The following NR6A1 variants were observed in gnomAD, a reference collection of about 807,000 sequenced individuals.
The protein encoded by NR6A1 is retinoic acid receptor-related testis-associated receptor.
NR6A1 carries 7 observed loss-of-function variants against 59.1 expected under a neutral mutation model. That is an observed-to-expected ratio of 0.12 (90% CI 0.07 to 0.22). The LOEUF is 0.22. NR6A1 is among the 10% of genes least tolerant of loss of function. The pLI is 1.00. For missense variants in NR6A1, 468 were observed against 611.6 expected, an observed-to-expected ratio of 0.77 and a Z score of 2.48; for synonymous variants, 243 against 236.1, an observed-to-expected ratio of 1.03 and a Z score of -0.27.
intron 2 of NR6A1, among the ~76,000 whole-genome samples, chr9:124,589,569 T>G (rs1000854084): frequency 6.6e-6 from 1 of 152,260 alleles, no homozygotes; most frequent in African/African-American, 2.4e-5. Flanking sequence ...CACCTACTGG[T>G]TGCCAAGCCT....
At chr9:124,745,527 C>T (rs553144763) in intron 1 of NR6A1, among the ~76,000 whole-genome samples, 130 of 151,646 alleles carry the variant, frequency 8.6e-4, no homozygotes, top group African/African-American at 2.8e-3. Context: ...CAAAATTAGC[C>T]GGGCATGGTG....
chr9:124,572,035 G>T (rs936546569), intron 2 of NR6A1, among the ~76,000 whole-genome samples: 1 of 152,102 alleles, frequency 6.6e-6, no homozygotes, highest in Non-Finnish European at 1.5e-5. Flanking sequence ...GGAAAATATG[G>T]ACAGTACAAT....
At chr9:124,673,825 A>T (rs1588768941) in intron 2 of NR6A1, among the ~76,000 whole-genome samples, 1 of 152,208 alleles carries the variant, frequency 6.6e-6, no homozygotes, top group Non-Finnish European at 1.5e-5. Context: ...AGCAAGGGCA[A>T]TAATTAATCA....
At chr9:124,769,771 C>T (rs1026021944) in intron 1 of NR6A1, among the ~76,000 whole-genome samples, 4 of 152,156 alleles carry the variant, frequency 2.6e-5, no homozygotes, top group African/African-American at 7.2e-5. Context: ...TCGGGTTTGC[C>T]GCCGGAGCGT....
At chr9:124,682,383 T>C (rs186095783) in intron 2 of NR6A1, among the ~76,000 whole-genome samples, 6 of 152,318 alleles carry the variant, frequency 3.9e-5, no homozygotes, top group South Asian at 4.1e-4. Context: ...GAACTGACTA[T>C]TAAAAAATCT....
chr9:124,652,842 C>T (rs1375088139), intron 2 of NR6A1, among the ~76,000 whole-genome samples: 6 of 152,196 alleles, frequency 3.9e-5, no homozygotes, highest in African/African-American at 7.2e-5. Flanking sequence ...GATGTAAGTG[C>T]TCTGGGAATC....
At chr9:124,643,840 A>T (rs1004267598) in intron 2 of NR6A1, among the ~76,000 whole-genome samples, 2 of 151,598 alleles carry the variant, frequency 1.3e-5, no homozygotes, top group African/African-American at 2.4e-5. Context: ...AATATATTTT[A>T]AAAATCACTA....
chr9:124,536,174 AG>A (rs1471965363), intron 6 of NR6A1, 42 bp from the exon 7 acceptor site: 1 of 1,593,306 alleles, frequency 6.3e-7, no homozygotes. Context: ...CATTGGTCAG[AG>A]GGTGAGGATA....
At chr9:124,642,895 G>A (rs1010867052) in intron 2 of NR6A1, among the ~76,000 whole-genome samples, 1 of 152,086 alleles carries the variant, frequency 6.6e-6, no homozygotes. Context: ...TAAGAAAGTG[G>A]GCAGGCTTGA....
At chr9:124,527,052 T>C in intron 7 of NR6A1, 152 bp from the exon 8 acceptor site, 1 of 916,676 alleles carries the variant, frequency 1.1e-6, no homozygotes. Context: ...GATCCATGCT[T>C]TGTCTACAGG....
chr9:124,709,206 C>T lies in NR6A1; in HGVS notation c.142+24102G>A, dbSNP rs543579256. ...CATAGTCAGTTTCCAGAATCTCCAT[C>T]CTGCCTATTTCCTGACTGAAGTAAT... On this transcript the variant is annotated intron_variant, in intron 2 of 9. Transcript: ENST00000487099. Among the ~76,000 whole-genome samples, 91 of 152,294 alleles carry T rather than the reference C, an allele frequency of 6.0e-4. 1 individual carries two copies. In the South Asian group the frequency reaches 0.018, roughly 31 times the overall value.
chr9:124,658,239 C>CA (rs1206940467), intron 2 of NR6A1, among the ~76,000 whole-genome samples: 1 of 152,168 alleles, frequency 6.6e-6, no homozygotes, highest in Non-Finnish European at 1.5e-5. Context: ...GCCAGACACT[C>CA]AAACTGCCAG....
intron 2 of NR6A1, among the ~76,000 whole-genome samples, chr9:124,665,775 G>A (rs1006390610): frequency 2.6e-5 from 4 of 152,186 alleles, no homozygotes; most frequent in Non-Finnish European, 5.9e-5. Context: ...AGACATGGAC[G>A]ATAACTATGA....
At chr9:124,575,516 A>G (rs148293070) in intron 2 of NR6A1, among the ~76,000 whole-genome samples, 5 of 151,940 alleles carry the variant, frequency 3.3e-5, no homozygotes, top group African/African-American at 9.7e-5. Context: ...AGAGGTTTCA[A>G]TGAGCCGAGA....
At chr9:124,634,544 G>A (rs1201774045) in intron 2 of NR6A1, among the ~76,000 whole-genome samples, 4 of 151,790 alleles carry the variant, frequency 2.6e-5, no homozygotes, top group Admixed American at 1.3e-4. Context: ...TATTTCTGCC[G>A]GGCACGGTAG....
chr9:124,621,345 T>C (rs1198898815), intron 2 of NR6A1, among the ~76,000 whole-genome samples: 1 of 152,086 alleles, frequency 6.6e-6, no homozygotes, highest in Middle Eastern at 3.2e-3. Context: ...TAGCATACAT[T>C]GGGGATTCAA....
chr9:124,525,284 A>AACAAACACACACACAC (rs1832900338), intron 8 of NR6A1, among the ~76,000 whole-genome samples: 1 of 137,304 alleles, frequency 7.3e-6, no homozygotes, highest in African/African-American at 2.8e-5. Flanking sequence ...ATGCTTGTAA[A>AACAAACACACACACAC]ACACACACAC....
At chr9:124,559,137 C>T (rs1564178732) in intron 2 of NR6A1, among the ~76,000 whole-genome samples, 1 of 152,070 alleles carries the variant, frequency 6.6e-6, no homozygotes, top group Non-Finnish European at 1.5e-5. Context: ...ACAGTAACTT[C>T]GAGACATATT....
At position 124,598,154 on chromosome 9, in the gene NR6A1, A is replaced by T. The variant is rs551912490; in HGVS notation, c.143-43584T>A. On this transcript the variant is annotated intron_variant, in intron 2 of 9. Transcript: ENST00000487099. ...ATGAGCAACCACACCCGGCCTAAAC[A>T]CTAATTTTTAACTACGCCTCCAAGT... 2.6e-5 allele frequency among the ~76,000 whole-genome samples: 4 copies of T among 152,260 alleles called. No individual in the cohort carries two copies. The South Asian group carries it at 8.3e-4, about 32-fold the overall frequency.
Sources: gnomAD v4.1 joint callset for allele counts (sites outside exome capture counted in the v4.1 genomes callset) on GRCh38, gnomAD v4.1.1 for gene constraint, MANE v1.5 for transcripts, NCBI Gene and HGNC (gene_info 2026-07-23, HGNC 2026-07-21) for gene names.